Variants in CEPT1 observed in about 807,000 individuals in gnomAD.
The protein encoded by CEPT1 is choline/ethanolamine phosphotransferase 1.
A neutral mutation model predicts 42.6 loss-of-function variants in CEPT1; 7 were observed. That is an observed-to-expected ratio of 0.16 (90% CI 0.09 to 0.31). The LOEUF is 0.31. CEPT1 is among the 10% of genes least tolerant of loss of function. The pLI is 1.00. For synonymous variants in CEPT1, 171 were observed against 171.9 expected, an observed-to-expected ratio of 0.99 and a Z score of 0.04; for missense variants, 306 against 502.1, an observed-to-expected ratio of 0.61 and a Z score of 3.73.
At chr1:111,179,733 A>G (rs913980098) in intron 5 of CEPT1, 3 of 152,124 alleles carry the variant, frequency 2.0e-5, no homozygotes, top group Non-Finnish European at 1.5e-5. Flanking sequence ...TGGGGGCTAG[A>G]TGTTTCTTCA....
chr1:111,141,780 A>G (rs1390549976), intron 1 of CEPT1, among the ~76,000 whole-genome samples: 1 of 152,170 alleles, frequency 6.6e-6, no homozygotes, highest in Non-Finnish European at 1.5e-5. Flanking sequence ...AATAATGCTG[A>G]ACTTAATCCT....
intron 4 of CEPT1, among the ~76,000 whole-genome samples, chr1:111,162,078 GGA>G (rs1253192019): frequency 6.6e-6 from 1 of 152,220 alleles, no homozygotes; most frequent in Admixed American, 6.5e-5. Flanking sequence ...GGGAGTGGCA[GGA>G]GATAAGGCTG....
intron 2 of CEPT1, 21 bp downstream of exon 2, chr1:111,148,074 C>A: frequency 1.3e-6 from 2 of 1,583,946 alleles, no homozygotes; most frequent in Non-Finnish European, 1.7e-6. Flanking sequence ...CTTAACAGAT[C>A]TCAACATTTG....
intron 1 of CEPT1, 27 bp from the exon 2 acceptor site, chr1:111,147,615 T>A (rs1041892096): frequency 6.3e-6 from 5 of 790,316 alleles, no homozygotes; most frequent in Non-Finnish European, 9.5e-6. Flanking sequence ...GTGTATTTTT[T>A]AATTTTTATT....
intron 4 of CEPT1, among the ~76,000 whole-genome samples, chr1:111,170,815 A>G (rs965257415): frequency 3.9e-5 from 6 of 152,156 alleles, no homozygotes; most frequent in African/African-American, 1.2e-4. Context: ...CTCTTTAACA[A>G]TAGCTCACAG....
chr1:111,144,605 G>A (rs574252500), intron 1 of CEPT1, among the ~76,000 whole-genome samples: 1 of 152,328 alleles, frequency 6.6e-6, no homozygotes, highest in Admixed American at 6.5e-5. Flanking sequence ...CAAATGCTCA[G>A]ACTTAAAACC....
chr1:111,181,019 C>G (rs1656946973), intron 5 of CEPT1: 1 of 152,202 alleles, frequency 6.6e-6, no homozygotes, highest in South Asian at 2.1e-4. Flanking sequence ...CAAAAATTAG[C>G]TGGGCGCAGT....
At chr1:111,157,469 AT>A (rs1655631289) in intron 2 of CEPT1, among the ~76,000 whole-genome samples, 1 of 152,188 alleles carries the variant, frequency 6.6e-6, no homozygotes, top group Non-Finnish European at 1.5e-5. Flanking sequence ...TGAATTTTTA[AT>A]TTTATTTAAT....
At chr1:111,145,408 A>G (rs1654904101) in intron 1 of CEPT1, among the ~76,000 whole-genome samples, 1 of 152,116 alleles carries the variant, frequency 6.6e-6, no homozygotes, top group African/African-American at 2.4e-5. Context: ...TAACTTGACT[A>G]TAATGACTAT....
chr1:111,167,670 T>A (rs1247036655), intron 4 of CEPT1: 22 of 981,960 alleles, frequency 2.2e-5, no homozygotes, highest in Non-Finnish European at 2.5e-5. Context: ...TGCTTGAGTT[T>A]ACAGCAGTCT....
chr1:111,179,615 A>C (rs958821172), intron 5 of CEPT1: 25 of 152,288 alleles, frequency 1.6e-4, no homozygotes, highest in African/African-American at 4.8e-4. Context: ...AAGTAGTGCC[A>C]ATTTTTAAAG....
At chr1:111,145,896 A>G (rs1654934361) in intron 1 of CEPT1, among the ~76,000 whole-genome samples, 1 of 152,150 alleles carries the variant, frequency 6.6e-6, no homozygotes, top group African/African-American at 2.4e-5. Flanking sequence ...AATAAACCAG[A>G]TCCTCTCACA....
intron 4 of CEPT1, among the ~76,000 whole-genome samples, chr1:111,162,509 C>G (rs1655926689): frequency 6.6e-6 from 1 of 152,058 alleles, no homozygotes; most frequent in African/African-American, 2.4e-5. Context: ...GAAGAGGAAC[C>G]TATTTAAAGA....
intron 7 of CEPT1, 110 bp from the exon 8 acceptor site, chr1:111,183,352 C>A: frequency 8.0e-7 from 1 of 1,250,756 alleles, no homozygotes; most frequent in Non-Finnish European, 1.1e-6. Flanking sequence ...AATTCAACAG[C>A]TATTCCTAAA....
At chr1:111,146,841 A>G (rs1557920659) in intron 1 of CEPT1, among the ~76,000 whole-genome samples, 1 of 152,072 alleles carries the variant, frequency 6.6e-6, no homozygotes, top group African/African-American at 2.4e-5. Context: ...CTCTGCTAAT[A>G]CATATATACT....
At position 111,148,390 on chromosome 1, in the gene CEPT1, CAGTG is replaced by C. The variant is rs933687828; in HGVS notation, c.339+340_339+343del. ...AAAGTCTTAGCAAAAAAAAAAAAAA[CAGTG>C]AGAAAACTCTCTGGTATTTAGTATG... On this transcript the variant is annotated intron_variant, in intron 2 of 8. Coordinates refer to ENST00000357172, the MANE Select transcript of CEPT1 (RefSeq NM_006090.5). Among the ~76,000 whole-genome samples, 16 of 146,216 alleles carry C rather than the reference CAGTG, an allele frequency of 1.1e-4. 1 individual carries two copies. In the East Asian group the frequency reaches 2.4e-3, roughly 22 times the overall value.
At chr1:111,169,217 C>T (rs539767691) in intron 4 of CEPT1, among the ~76,000 whole-genome samples, 10 of 152,294 alleles carry the variant, frequency 6.6e-5, no homozygotes, top group African/African-American at 2.4e-4. Context: ...AGAAGTGTAT[C>T]GTTAGCCTCC....
At chr1:111,183,228 C>G (rs1033278540) in intron 7 of CEPT1, among the ~76,000 whole-genome samples, 1 of 152,202 alleles carries the variant, frequency 6.6e-6, no homozygotes, top group Admixed American at 6.5e-5. Context: ...CAGTCTCAAT[C>G]TGGACACTCA....
intron 4 of CEPT1, among the ~76,000 whole-genome samples, chr1:111,171,103 A>C (rs1656392131): frequency 6.6e-6 from 1 of 152,222 alleles, no homozygotes; most frequent in South Asian, 2.1e-4. Flanking sequence ...CTTTCATAGA[A>C]TGCCATTTAA....
Sources: allele counts gnomAD v4.1 joint callset (sites outside exome capture counted in the v4.1 genomes callset), GRCh38; gene constraint gnomAD v4.1.1; transcripts MANE v1.5; gene names NCBI Gene and HGNC (gene_info 2026-07-23, HGNC 2026-07-21).